Variants in TMEM178B observed in about 807,000 individuals in gnomAD.
The protein encoded by TMEM178B is transmembrane protein 178B.
A neutral mutation model predicts 31.0 loss-of-function variants in TMEM178B; 5 were observed. That is an observed-to-expected ratio of 0.16 (90% CI 0.08 to 0.34). The LOEUF (loss-of-function observed/expected upper bound fraction) is 0.34, where lower values mean the gene tolerates loss of function less well. Among genes scored for constraint, TMEM178B ranks in the 10% least tolerant of loss-of-function variants. The pLI is 1.00. For missense variants in TMEM178B, 275 were observed against 400.3 expected, an observed-to-expected ratio of 0.69 and a Z score of 2.67; for synonymous variants, 164 against 164.0, an observed-to-expected ratio of 1.00 and a Z score of 0.00.
At chr7:141,385,460 G>T (rs1289179519) in intron 2 of TMEM178B, among the ~76,000 whole-genome samples, 1 of 152,170 alleles carries the variant, frequency 6.6e-6, no homozygotes, top group Non-Finnish European at 1.5e-5. Context: ...AAATAAAAAT[G>T]TACATTGAAA....
intron 2 of TMEM178B, among the ~76,000 whole-genome samples, chr7:141,324,524 G>C (rs1439607399): frequency 1.3e-5 from 2 of 149,408 alleles, no homozygotes; most frequent in Non-Finnish European, 3.0e-5. Context: ...GAGGGTAGTG[G>C]GTTGGGAGGG....
intron 1 of TMEM178B, among the ~76,000 whole-genome samples, chr7:141,128,730 C>G (rs1795546052): frequency 6.6e-6 from 1 of 151,938 alleles, no homozygotes; most frequent in South Asian, 2.1e-4. Context: ...TCCTGATTCC[C>G]ACATCACTTC....
At chr7:141,216,452 C>T (rs78311205) in intron 2 of TMEM178B, among the ~76,000 whole-genome samples, 4,768 of 21,414 alleles carry the variant, frequency 0.22, 290 homozygotes, top group Middle Eastern at 0.38. Context: ...TGTGTGTGCG[C>T]GCGCGCGCGC....
At chr7:141,484,643 C>A (rs536113880), downstream of TMEM178B, among the ~76,000 whole-genome samples, 2 of 152,230 alleles carry the variant, frequency 1.3e-5, no homozygotes, top group Non-Finnish European at 1.5e-5. This position sits in a 1 kb window ranked among gnomAD's most constrained non-coding sequence, Gnocchi z 4.8. Flanking sequence ...CTCACTGCAA[C>A]CTTGACCTCC....
At chr7:141,134,268 A>T (rs1050974333) in intron 1 of TMEM178B, among the ~76,000 whole-genome samples, 5 of 152,014 alleles carry the variant, frequency 3.3e-5, no homozygotes, top group African/African-American at 1.2e-4. Context: ...CAACAACAAC[A>T]CAAAAACCCA....
intron 2 of TMEM178B, among the ~76,000 whole-genome samples, chr7:141,287,434 C>G (rs1346408763): frequency 1.3e-5 from 2 of 152,110 alleles, no homozygotes; most frequent in Non-Finnish European, 2.9e-5. Context: ...ACCCTCAACC[C>G]TTTTTGGAAT....
chr7:141,144,122 C>A (rs1795816122), intron 1 of TMEM178B, among the ~76,000 whole-genome samples: 1 of 152,138 alleles, frequency 6.6e-6, no homozygotes, highest in African/African-American at 2.4e-5. Context: ...AGCCTTTTGG[C>A]AGAATCTTAG....
At chr7:141,104,320 G>A (rs1345811802) in intron 1 of TMEM178B, among the ~76,000 whole-genome samples, 1 of 152,118 alleles carries the variant, frequency 6.6e-6, no homozygotes, top group African/African-American at 2.4e-5. Context: ...GGCTGAGGTG[G>A]GCCTCCTGTG....
At chr7:141,401,724 A>G (rs1800779701) in intron 2 of TMEM178B, among the ~76,000 whole-genome samples, 1 of 152,206 alleles carries the variant, frequency 6.6e-6, no homozygotes, top group Non-Finnish European at 1.5e-5. Flanking sequence ...TCTTTTTTAC[A>G]GGACAGAAAT....
chr7:141,366,307 T>C (rs1800003659), intron 2 of TMEM178B, among the ~76,000 whole-genome samples: 1 of 152,218 alleles, frequency 6.6e-6, no homozygotes, highest in South Asian at 2.1e-4. Flanking sequence ...CTGTGACTTC[T>C]GGCTCGAAAG....
At chr7:141,388,699 T>C (rs1800478189) in intron 2 of TMEM178B, among the ~76,000 whole-genome samples, 1 of 152,188 alleles carries the variant, frequency 6.6e-6, no homozygotes, top group African/African-American at 2.4e-5. Context: ...ACATAAGTGG[T>C]GAGCACTGGC....
At chr7:141,364,638 T>TGAGTGA (rs565058061) in intron 2 of TMEM178B, among the ~76,000 whole-genome samples, 1 of 118,606 alleles carries the variant, frequency 8.4e-6, no homozygotes, top group Non-Finnish European at 1.6e-5. Context: ...CCAGCCTGGG[T>TGAGTGA]GACAGAGTGA....
At chr7:141,462,073 C>T (rs972794581) in intron 3 of TMEM178B, among the ~76,000 whole-genome samples, 4 of 152,128 alleles carry the variant, frequency 2.6e-5, no homozygotes, top group African/African-American at 7.2e-5. Flanking sequence ...TCACTGATGT[C>T]GTCACTACAA....
chr7:141,131,121 C>T (rs1795588235), intron 1 of TMEM178B, among the ~76,000 whole-genome samples: 3 of 152,074 alleles, frequency 2.0e-5, no homozygotes, highest in African/African-American at 7.2e-5. Flanking sequence ...TATTTGTGAC[C>T]AAGTTGTTTT....
chr7:141,174,260 G>A (rs1796391490), intron 1 of TMEM178B, among the ~76,000 whole-genome samples: 1 of 152,110 alleles, frequency 6.6e-6, no homozygotes, highest in Non-Finnish European at 1.5e-5. Context: ...ATGGTTTCCA[G>A]CGTCATCCAT....
chr7:141,497,494 A>G, the TMEM178B span, among the ~76,000 whole-genome samples: 1 of 152,198 alleles, frequency 6.6e-6, no homozygotes, highest in African/African-American at 2.4e-5. Flanking sequence ...TGAGCATCAT[A>G]TTGAATAGAG....
At chr7:141,463,216 C>T (rs1802088915) in intron 3 of TMEM178B, among the ~76,000 whole-genome samples, 1 of 152,170 alleles carries the variant, frequency 6.6e-6, no homozygotes, top group South Asian at 2.1e-4. Context: ...CCAGCTGCGA[C>T]TGGCTGGCTC....
At chr7:141,243,211 G>A (rs1044514031) in intron 2 of TMEM178B, among the ~76,000 whole-genome samples, 1 of 152,022 alleles carries the variant, frequency 6.6e-6, no homozygotes, top group Non-Finnish European at 1.5e-5. Context: ...TCTCTTTCTC[G>A]GAGTCCATGC....
At chr7:141,252,635 AC>A (rs1797853433) in intron 2 of TMEM178B, among the ~76,000 whole-genome samples, 2 of 152,184 alleles carry the variant, frequency 1.3e-5, no homozygotes, top group Admixed American at 1.3e-4. Flanking sequence ...GCCTTGTGAT[AC>A]CTGTAGTAGC....
Sources: allele counts gnomAD v4.1 joint callset (sites outside exome capture counted in the v4.1 genomes callset), GRCh38; gene constraint gnomAD v4.1.1; non-coding constraint Gnocchi (gnomAD v3.1); transcripts MANE v1.5; gene names NCBI Gene and HGNC (gene_info 2026-07-23, HGNC 2026-07-21).